MACROD2: variants seen among roughly 807,000 people sequenced by gnomAD.
MACROD2 encodes mono-ADP ribosylhydrolase 2.
Under a neutral mutation model 70.4 loss-of-function variants are expected in MACROD2, and 36 were observed. That is an observed-to-expected ratio of 0.51 (90% CI 0.39 to 0.68). The LOEUF (loss-of-function observed/expected upper bound fraction) is 0.68, where lower values mean the gene tolerates loss of function less well. Ranked by LOEUF, MACROD2 falls within the 30% of genes least tolerant of loss-of-function variation. The pLI is 0.00. For missense variants in MACROD2, 496 were observed against 538.4 expected (o/e 0.92, Z 0.78); for synonymous variants, 172 against 178.8 (o/e 0.96, Z 0.30).
chr20:14,861,725 T>A (rs2073319755), intron 5 of MACROD2, among the ~76,000 whole-genome samples: 2 of 151,304 alleles, frequency 1.3e-5, no homozygotes, highest in South Asian at 4.2e-4. Flanking sequence ...CTCATTAAGG[T>A]AACTCACTCA....
chr20:15,149,255 C>G (rs2145857928), intron 5 of MACROD2, among the ~76,000 whole-genome samples: 1 of 152,076 alleles, frequency 6.6e-6, no homozygotes, highest in South Asian at 2.1e-4. Context: ...GGATAGATTT[C>G]CACGATGCAA....
At chr20:14,879,235 T>G (rs1023977020) in intron 5 of MACROD2, among the ~76,000 whole-genome samples, 1 of 152,190 alleles carries the variant, frequency 6.6e-6, no homozygotes, top group African/African-American at 2.4e-5. Flanking sequence ...CAACCCATTC[T>G]GATTCATGTT....
intron 5 of MACROD2, among the ~76,000 whole-genome samples, chr20:14,990,258 A>C (rs1453038634): frequency 6.6e-6 from 1 of 152,086 alleles, no homozygotes; most frequent in African/African-American, 2.4e-5. Flanking sequence ...CAATAGATAA[A>C]AAATGTTGCC....
chr20:15,531,214 A>G (rs1362348428), intron 8 of MACROD2, among the ~76,000 whole-genome samples: 2 of 151,796 alleles, frequency 1.3e-5, no homozygotes, highest in East Asian at 3.8e-4. Flanking sequence ...AGGCTAGAAT[A>G]TGACATATTC....
intron 3 of MACROD2, among the ~76,000 whole-genome samples, chr20:14,335,389 T>C (rs889539608): frequency 6.6e-6 from 1 of 152,212 alleles, no homozygotes; most frequent in African/African-American, 2.4e-5. Flanking sequence ...CAACCAAATT[T>C]ATTTCACACT....
chr20:15,276,610 T>A (rs1299444482), intron 6 of MACROD2, among the ~76,000 whole-genome samples: 1 of 152,172 alleles, frequency 6.6e-6, no homozygotes, highest in East Asian at 1.9e-4. Flanking sequence ...CCCTTTCTTC[T>A]CTCAACTTCG....
rs909597122 is a variant in MACROD2 at position 14,185,026 on chromosome 20, C to G, written c.271+99298C>G. On this transcript the variant is annotated intron_variant, in intron 3 of 17. Coordinates refer to ENST00000684519, the MANE Select transcript of MACROD2 (RefSeq NM_001351661.2). The stretch of plus-strand genomic sequence containing the variant: ...ATATAAGCTTCATGAATATAGACAT[C>G]TTGTATATCTATACCCCATACCTAG... Among the ~76,000 whole-genome samples, 13 of 152,196 alleles carry G rather than the reference C, an allele frequency of 8.5e-5. 1 individual carries two copies. The highest frequency in any genetic ancestry group is 3.1e-4 in the African/African-American group (13 of 41,532).
At chr20:14,926,621 G>A (rs1600835109) in intron 5 of MACROD2, among the ~76,000 whole-genome samples, 2 of 152,080 alleles carry the variant, frequency 1.3e-5, no homozygotes, top group Admixed American at 1.3e-4. Context: ...ACTCAATATA[G>A]TCATGCCAGA....
chr20:14,767,452 A>G (rs77000977), intron 5 of MACROD2, among the ~76,000 whole-genome samples: 3,327 of 152,042 alleles, frequency 0.022, 139 homozygotes, highest in African/African-American at 0.076. Context: ...GGCCCTTAGA[A>G]GTCTTGGCAG....
chr20:15,533,182 A>G (rs867814855), intron 8 of MACROD2, among the ~76,000 whole-genome samples: 1 of 152,236 alleles, frequency 6.6e-6, no homozygotes, highest in Non-Finnish European at 1.5e-5. Flanking sequence ...TGCCCTTTAA[A>G]TAAAGTCAGC....
chr20:14,307,012 AACACACACACAC>A (rs3044626), intron 3 of MACROD2, among the ~76,000 whole-genome samples: 59 of 148,198 alleles, frequency 4.0e-4, no homozygotes, highest in African/African-American at 1.4e-3. Flanking sequence ...ACTAAATGTA[AACACACACACAC>A]ACACACACAC....
intron 5 of MACROD2, among the ~76,000 whole-genome samples, chr20:14,821,427 C>CATGGGAGTTTG (rs2072843347): frequency 6.6e-6 from 1 of 151,988 alleles, no homozygotes; most frequent in African/African-American, 2.4e-5. Flanking sequence ...CAAAAAAAAT[C>CATGGGAGTTTG]CTTATCTCTG....
chr20:14,441,600 T>G (rs2084124095), intron 3 of MACROD2, among the ~76,000 whole-genome samples: 1 of 152,162 alleles, frequency 6.6e-6, no homozygotes, highest in African/African-American at 2.4e-5. Context: ...GTCAGAACAT[T>G]TCCTTTTCAT....
At chr20:14,100,794 T>A (rs1331819677) in intron 3 of MACROD2, among the ~76,000 whole-genome samples, 1 of 136,692 alleles carries the variant, frequency 7.3e-6, no homozygotes, top group Non-Finnish European at 1.6e-5. Flanking sequence ...ATATTATATA[T>A]TATATATGAT....
intron 5 of MACROD2, among the ~76,000 whole-genome samples, chr20:14,808,569 A>G (rs1384801859): frequency 6.6e-6 from 1 of 152,134 alleles, no homozygotes; most frequent in Non-Finnish European, 1.5e-5. Flanking sequence ...GACAGGATCA[A>G]ATTCACACAT....
At chr20:14,931,900 G>A (rs2074298962) in intron 5 of MACROD2, among the ~76,000 whole-genome samples, 1 of 151,686 alleles carries the variant, frequency 6.6e-6, no homozygotes, top group Non-Finnish European at 1.5e-5. Flanking sequence ...TACTTGGGAG[G>A]CTGAGCTGGG....
chr20:16,035,591 A>G (rs1156687199), intron 15 of MACROD2, among the ~76,000 whole-genome samples: 1 of 152,070 alleles, frequency 6.6e-6, no homozygotes, highest in Non-Finnish European at 1.5e-5. Flanking sequence ...TCTATGGGAC[A>G]AAATTAAGAA....
At chr20:15,600,043 T>A (rs1006553731) in intron 8 of MACROD2, among the ~76,000 whole-genome samples, 2 of 152,068 alleles carry the variant, frequency 1.3e-5, no homozygotes, top group Non-Finnish European at 2.9e-5. Flanking sequence ...AGATCAGAGC[T>A]CAATATGCAG....
chr20:14,033,376 CCT>C (rs1483589813), intron 2 of MACROD2, among the ~76,000 whole-genome samples: 4 of 151,830 alleles, frequency 2.6e-5, no homozygotes, highest in African/African-American at 4.8e-5. Flanking sequence ...GGAAAAATCC[CCT>C]CTCATCCTTC....
Sources: gnomAD v4.1 joint callset for allele counts (sites outside exome capture counted in the v4.1 genomes callset) on GRCh38, gnomAD v4.1.1 for gene constraint, MANE v1.5 for transcripts, NCBI Gene and HGNC (gene_info 2026-07-23, HGNC 2026-07-21) for gene names.